CYP26C1: variants seen among roughly 807,000 people sequenced by gnomAD.
CYP26C1 encodes cytochrome P450 family 26 subfamily C member 1, also known as cytochrome P450 26C1.
Under a neutral mutation model 39.1 loss-of-function variants are expected in CYP26C1, and 41 were observed. The ratio of observed to expected loss-of-function variants is 1.05; its 90% confidence interval spans 0.82 to 1.36. The LOEUF (loss-of-function observed/expected upper bound fraction) is 1.36, where lower values mean the gene tolerates loss of function less well. Ranked by LOEUF, CYP26C1 falls within the 40% of genes most tolerant of loss-of-function variation. The probability of loss-of-function intolerance (pLI) is 0.00; values close to 1 mark genes in which losing one functional copy is unlikely to be tolerated. For missense variants in CYP26C1, 833 were observed against 752.0 expected, an observed-to-expected ratio of 1.11 and a Z score of -1.26; for synonymous variants, 362 against 350.8, an observed-to-expected ratio of 1.03 and a Z score of -0.36.
At chr10:93,065,890 CGTCGG>C (rs1846818219) in intron 4 of CYP26C1, 61 bp from the exon 5 acceptor site, 1 of 1,419,172 alleles carries the variant, frequency 7.0e-7, no homozygotes, top group East Asian at 2.9e-5. Flanking sequence ...TCCACGGGGC[CGTCGG>C]GTCAGCGCCC....
At chr10:93,062,258 G>T (rs1846760536) in intron 2 of CYP26C1, 24 bp downstream of exon 2, 1 of 1,501,382 alleles carries the variant, frequency 6.7e-7, no homozygotes, top group African/African-American at 1.4e-5. Flanking sequence ...GGAATGGACC[G>T]TAGATACGTC....
At position 93,062,314 on chromosome 10, in the gene CYP26C1, G is replaced by A. The variant is rs576738450; in HGVS notation, c.429+80G>A. 197 of 1,404,806 alleles carry A rather than the reference G, an allele frequency of 1.4e-4. No homozygotes were observed. The African/African-American group carries it at 2.6e-3, about 19-fold the overall frequency. The allele number at this position is 1,404,806 out of a possible 1,614,324, so 87.0% of individuals were successfully genotyped here. ...CTGCCATGGGCCAGGCCGGGGCCCC[G>A]GTGTTGGATACACTGTGAACCCGAC... On this transcript the variant is annotated intron_variant, in intron 2 of 5. Coordinates refer to ENST00000651965, the MANE Select transcript of CYP26C1 (RefSeq NM_183374.3).
At chr10:93,066,370 C>G (rs1346776039) in intron 5 of CYP26C1, 85 bp downstream of exon 5, 2 of 1,208,182 alleles carry the variant, frequency 1.7e-6, no homozygotes. Context: ...CGGCGGCGCC[C>G]AGGTGGGAGG....
rs781196106 is a variant in CYP26C1 at position 93,063,039 on chromosome 10, C to T, written c.705+44C>T. ...CAGACCTTCCTCCGAGGCTCCGCGG[C>T]GCGGGCGGGCCTCCCAGACCCAGAC... is the stretch of plus-strand genomic sequence containing the variant. On this transcript the variant is annotated intron_variant, in intron 3 of 5. Coordinates refer to ENST00000651965, the MANE Select transcript of CYP26C1 (RefSeq NM_183374.3). The T allele has an allele frequency of 4.0e-6, 6 of 1,503,848 alleles. No homozygotes were observed. In the East Asian group the frequency reaches 1.2e-4, roughly 31 times the overall value. The allele number at this position is 1,503,848 out of a possible 1,614,324, so 93.2% of individuals were successfully genotyped here.
intron 1 of CYP26C1, 143 bp downstream of exon 1, chr10:93,061,610 C>T: frequency 5.8e-6 from 6 of 1,038,806 alleles, no homozygotes; most frequent in Non-Finnish European, 8.1e-6. Context: ...GCACAACTCT[C>T]GCCTTTACCT....
At chr10:93,064,267 C>T in intron 3 of CYP26C1, 114 bp from the exon 4 acceptor site, 3 of 1,454,374 alleles carry the variant, frequency 2.1e-6, no homozygotes, top group Non-Finnish European at 1.8e-6. Context: ...AGCTGGGAAG[C>T]TGTTAACACA....
chr10:93,065,834 C>T (rs1590137224), intron 4 of CYP26C1, 122 bp from the exon 5 acceptor site: 1 of 956,282 alleles, frequency 1.0e-6, no homozygotes, highest in Non-Finnish European at 1.4e-6. Flanking sequence ...ATAGCACTTC[C>T]CTGCCCCCTG....
chr10:93,063,194 G>A, intron 3 of CYP26C1, 199 bp downstream of exon 3: 1 of 1,336,702 alleles, frequency 7.5e-7, no homozygotes, highest in South Asian at 2.0e-5. Context: ...TGGTTCGCTG[G>A]TGTGACCTGG....
chr10:93,061,697 G>C (rs1368410810), intron 1 of CYP26C1, among the ~76,000 whole-genome samples: 4 of 152,284 alleles, frequency 2.6e-5, no homozygotes, highest in African/African-American at 9.6e-5. Context: ...AACGCAGGGG[G>C]TAAACATAAG....
chr10:93,068,293 C>G, intron 5 of CYP26C1, 27 bp from the exon 6 acceptor site: 1 of 1,481,996 alleles, frequency 6.7e-7, no homozygotes, highest in Non-Finnish European at 9.0e-7. Flanking sequence ...GCCTCGTGGT[C>G]AGGCTGATCT....
At chr10:93,067,018 T>C (rs986534821) in intron 5 of CYP26C1, among the ~76,000 whole-genome samples, 1 of 152,246 alleles carries the variant, frequency 6.6e-6, no homozygotes, top group Non-Finnish European at 1.5e-5. Flanking sequence ...TGCCAAACTG[T>C]GGGTGTTTGC....
In CYP26C1 at chr10:93,068,485, G is replaced by C; in HGVS notation, c.1357G>C (p.Gly453Arg). 6.2e-7 allele frequency: 1 copy of C among 1,609,550 alleles called. No homozygotes were observed. The highest frequency in any genetic ancestry group is 8.5e-7 in the Non-Finnish European group (1 of 1,178,368). ...ASSRFHYIPF[G>R]GGARSCLGQE... ...CAGCCGCTTCCATTACATCCCGTTC[G>C]GCGGCGGTGCGCGCAGCTGCCTCGG... Residue 453 changes from glycine to arginine, a missense_variant, in exon 6 of 6, where the codon GGC becomes CGC. Coordinates refer to ENST00000651965, the MANE Select transcript of CYP26C1 (RefSeq NM_183374.3).
chr10:93,066,176 C>T lies in CYP26C1; in HGVS notation c.1082C>T (p.Ala361Val), dbSNP rs374526474. ...DCGCEPDLSL[A>V]ALGRLRYVDC... ...GGCTGCGAGCCCGACCTCAGCCTCG[C>T]GGCGCTGGGCCGTCTGCGCTACGTC... The change falls in exon 5 of 6, where the codon GCG (alanine) becomes GTG (valine). Residue 361 changes from alanine to valine, a missense_variant. Physicochemically the swap from Ala to Val is moderately conservative, Grantham distance 64. Coordinates refer to ENST00000651965, the MANE Select transcript of CYP26C1 (RefSeq NM_183374.3). The T allele has an allele frequency of 5.7e-5, 83 of 1,443,828 alleles. No individual in the cohort carries two copies. The East Asian group carries it at 1.1e-3, about 19-fold the overall frequency. The allele number at this position is 1,443,828 out of a possible 1,614,324, so 89.4% of individuals were successfully genotyped here. A position where few individuals can be genotyped will look rare whatever the true frequency, so the allele number is the denominator to read the frequency against.
rs1376859036 is a variant in CYP26C1, at chr10:93,069,263, G to A, written c.*566G>A. On this transcript the variant is annotated 3_prime_UTR_variant, in exon 6 of 6. Transcript: ENST00000651965. ...CTGGCGTCTGGCTTCGTGCGCCTTG[G>A]CCACTCTGCCGGTCTCGGCGGAAAC... is the stretch of plus-strand genomic sequence containing the variant. The A allele has an allele frequency of 6.6e-6, 1 of 152,318 alleles. No homozygotes were observed. The highest frequency in any genetic ancestry group is 1.5e-5 in the Non-Finnish European group (1 of 68,096). 9.4% of individuals were successfully genotyped at this position (152,318 alleles called of 1,614,324 possible).
intron 3 of CYP26C1, 44 bp from the exon 4 acceptor site, chr10:93,064,337 C>T: frequency 6.3e-7 from 1 of 1,581,632 alleles, no homozygotes; most frequent in South Asian, 1.2e-5. Flanking sequence ...GGCTTGGCCC[C>T]CTTAGCCTTC....
At chr10:93,064,649 C>G in intron 4 of CYP26C1, 113 bp downstream of exon 4, 1 of 1,497,842 alleles carries the variant, frequency 6.7e-7, no homozygotes. Context: ...GAGGCACAGG[C>G]AGTCCTCAAG....
chr10:93,062,761 C>T lies in CYP26C1; in HGVS notation c.471C>T (p.Tyr157=), dbSNP rs1207141754. Residue 157 remains tyrosine (Y), a synonymous_variant, in exon 3 of 6, where the codon TAC becomes TAT. Transcript: ENST00000651965. ...RVFSRAALER[Y]VPRLQGALRH... ...TCAGCCGCGCCGCGCTGGAGCGCTA[C>T]GTGCCGCGCCTGCAGGGGGCGCTGC... The T allele has an allele frequency of 4.7e-6, 7 of 1,497,488 alleles. No homozygotes were observed. The highest frequency in any genetic ancestry group is 6.2e-6 in the Non-Finnish European group (7 of 1,131,894). The allele number at this position is 1,497,488 out of a possible 1,614,324, so 92.8% of individuals were successfully genotyped here.
At position 93,068,738 on chromosome 10, in the gene CYP26C1, G is replaced by T. The variant is rs750206957; in HGVS notation, c.*41G>T. 3.2e-5 allele frequency: 47 copies of T among 1,468,156 alleles called. No individual in the cohort carries two copies. Among genetic ancestry groups the T allele is most frequent in the Non-Finnish European group, 3.5e-5 (39 of 1,111,348 alleles). The allele number at this position is 1,468,156 out of a possible 1,614,324, so 90.9% of individuals were successfully genotyped here. A position where few individuals can be genotyped will look rare whatever the true frequency, so the allele number is the denominator to read the frequency against. The stretch of plus-strand genomic sequence containing the variant: ...GGACACGGCTTGGCCGGTGGCTATG[G>T]CGCGCACGCAGCGCCACCCATCTGC... On this transcript the variant is annotated 3_prime_UTR_variant, in exon 6 of 6. Transcript: ENST00000651965.
chr10:93,068,219 T>C, intron 5 of CYP26C1, 101 bp from the exon 6 acceptor site: 2 of 1,381,124 alleles, frequency 1.4e-6, no homozygotes, highest in East Asian at 2.7e-5. Context: ...TTCCTCCTGG[T>C]TTTCGGAAGC....
Sources: allele counts gnomAD v4.1 joint callset (sites outside exome capture counted in the v4.1 genomes callset), GRCh38; gene constraint gnomAD v4.1.1; transcripts MANE v1.5; gene names NCBI Gene and HGNC (gene_info 2026-07-23, HGNC 2026-07-21).